Variants in TRHDE observed in about 807,000 individuals in gnomAD.
TRHDE encodes thyrotropin-releasing hormone-degrading ectoenzyme.
A neutral mutation model predicts 125.7 loss-of-function variants in TRHDE; 72 were observed. The observed-to-expected ratio is 0.57, with a 90% CI of 0.47 to 0.70. The LOEUF (loss-of-function observed/expected upper bound fraction) is 0.70. Ranked by LOEUF, TRHDE falls within the 30% of genes least tolerant of loss-of-function variation. TRHDE has a pLI of 0.00. For missense variants in TRHDE, 1,110 were observed against 1,327.1 expected, an observed-to-expected ratio of 0.84 and a Z score of 2.54; for synonymous variants, 509 against 509.1, an observed-to-expected ratio of 1.00 and a Z score of 0.00.
At chr12:72,216,226 A>G (rs140874211) in intron 2 of TRHDE, among the ~76,000 whole-genome samples, 197 of 152,302 alleles carry the variant, frequency 1.3e-3, no homozygotes, top group African/African-American at 4.6e-3. Context: ...GTTCAATTCT[A>G]TGAGACTTCT....
At chr12:72,244,600 A>G (rs1435089225) in intron 2 of TRHDE, among the ~76,000 whole-genome samples, 2 of 152,084 alleles carry the variant, frequency 1.3e-5, no homozygotes, top group East Asian at 3.8e-4. Flanking sequence ...TGATAATTCA[A>G]TCCAGAAGAA....
chr12:72,540,136 T>A (rs998325145), intron 6 of TRHDE, among the ~76,000 whole-genome samples: 3 of 151,954 alleles, frequency 2.0e-5, no homozygotes, highest in South Asian at 2.1e-4. Flanking sequence ...CCCATCTGTC[T>A]ATGAAGTTCT....
At chr12:72,159,386 C>T (rs971134022) in intron 2 of TRHDE, among the ~76,000 whole-genome samples, 1 of 152,178 alleles carries the variant, frequency 6.6e-6, no homozygotes, top group Non-Finnish European at 1.5e-5. Flanking sequence ...GACCTCACAA[C>T]AGAAGGATGG....
At chr12:72,238,792 A>G (rs901877262) in intron 2 of TRHDE, among the ~76,000 whole-genome samples, 42 of 152,120 alleles carry the variant, frequency 2.8e-4, no homozygotes, top group African/African-American at 1.0e-3. Flanking sequence ...CAAGTCTATC[A>G]TTGATGGGCA....
At chr12:72,087,608 G>T (rs1566205331) in intron 1 of TRHDE, among the ~76,000 whole-genome samples, 1 of 152,052 alleles carries the variant, frequency 6.6e-6, no homozygotes, top group African/African-American at 2.4e-5. Context: ...GTGTCTGATG[G>T]CTTCTATTTT....
chr12:72,564,807 A>C (rs1023928401), intron 9 of TRHDE, among the ~76,000 whole-genome samples: 1 of 131,714 alleles, frequency 7.6e-6, no homozygotes, highest in Non-Finnish European at 1.5e-5. Flanking sequence ...AGCTGGGACT[A>C]AAGGGCCCGC....
intron 2 of TRHDE, among the ~76,000 whole-genome samples, chr12:72,294,318 G>A (rs1277939101): frequency 1.3e-5 from 2 of 152,152 alleles, no homozygotes; most frequent in African/African-American, 4.8e-5. Context: ...ATGAATAGGA[G>A]CCTTATTGAA....
Position 72,575,526 on chromosome 12 carries a change from G to A in TRHDE, c.2305G>A (p.Ala769Thr). Residue 769 changes from alanine to threonine, a missense_variant, in exon 12 of 19, where the codon GCC becomes ACC. Ala to Thr is a moderately conservative substitution (Grantham distance 58). Transcript: ENST00000261180. ...TAACCGAGCGGGCTTGATCGATGAT[G>A]CCTTCAGCCTAGCCAGGTATGTTTT... ...VSNRAGLIDD[A>T]FSLARAGYLP... 1.2e-6 allele frequency: 2 copies of A among 1,613,582 alleles called. No individual in the cohort carries two copies. The highest frequency in any genetic ancestry group is 1.1e-5 in the South Asian group (1 of 91,066).
intron 5 of TRHDE, among the ~76,000 whole-genome samples, chr12:72,482,784 CCTAA>C (rs1284820392): frequency 6.6e-6 from 1 of 151,854 alleles, no homozygotes; most frequent in Non-Finnish European, 1.5e-5. Context: ...ACATTCTGTT[CCTAA>C]CTATTTGCAT....
intron 3 of TRHDE, among the ~76,000 whole-genome samples, chr12:72,400,331 T>C (rs1287044865): frequency 6.6e-6 from 1 of 152,132 alleles, no homozygotes; most frequent in Non-Finnish European, 1.5e-5. Flanking sequence ...AAACTAGGTG[T>C]TGGTATTAAT....
At chr12:72,328,463 G>T (rs1393266117) in intron 2 of TRHDE, among the ~76,000 whole-genome samples, 2 of 146,162 alleles carry the variant, frequency 1.4e-5, no homozygotes, top group African/African-American at 2.8e-5. Flanking sequence ...TTTAAATCTT[G>T]CATTTACTTT....
intron 2 of TRHDE, among the ~76,000 whole-genome samples, chr12:72,237,177 C>T (rs1226354962): frequency 6.6e-6 from 1 of 152,142 alleles, no homozygotes; most frequent in Non-Finnish European, 1.5e-5. Flanking sequence ...ATTCACTTTA[C>T]ATCATGAAAA....
chr12:72,374,913 T>G (rs1198108505), intron 2 of TRHDE, among the ~76,000 whole-genome samples: 1 of 152,188 alleles, frequency 6.6e-6, no homozygotes, highest in Non-Finnish European at 1.5e-5. Flanking sequence ...AGATGTGTTT[T>G]GGTTTGGCTG....
At chr12:72,324,537 A>G (rs1869250044) in intron 2 of TRHDE, among the ~76,000 whole-genome samples, 1 of 152,224 alleles carries the variant, frequency 6.6e-6, no homozygotes, top group East Asian at 1.9e-4. Context: ...TCCTCTTGGT[A>G]AAAGTGGTCC....
chr12:72,088,705 C>T (rs1277783092), intron 1 of TRHDE, among the ~76,000 whole-genome samples: 1 of 152,048 alleles, frequency 6.6e-6, no homozygotes, highest in African/African-American at 2.4e-5. Context: ...TCTCACATCT[C>T]TCATTCTTTA....
chr12:72,097,716 G>T (rs970545686), intron 1 of TRHDE, among the ~76,000 whole-genome samples: 1 of 152,128 alleles, frequency 6.6e-6, no homozygotes, highest in African/African-American at 2.4e-5. Flanking sequence ...CTCCCAAAGT[G>T]CTGGGATTAG....
chr12:72,439,496 A>T (rs73344431), intron 3 of TRHDE, among the ~76,000 whole-genome samples: 13,460 of 151,530 alleles, frequency 0.089, 709 homozygotes, highest in Admixed American at 0.14. Context: ...TTTCAGTGTG[A>T]AGATCTTTCA....
intron 3 of TRHDE, among the ~76,000 whole-genome samples, chr12:72,382,083 A>G (rs1462862652): frequency 6.6e-6 from 1 of 152,180 alleles, no homozygotes; most frequent in East Asian, 1.9e-4. Flanking sequence ...GACTCCTAGG[A>G]GTCAGAAACG....
At chr12:72,519,088 T>A (rs572276294) in intron 6 of TRHDE, among the ~76,000 whole-genome samples, 1 of 152,296 alleles carries the variant, frequency 6.6e-6, no homozygotes, top group African/African-American at 2.4e-5. Flanking sequence ...ATTTTTTCCT[T>A]CATTTCAACT....
Sources: allele counts gnomAD v4.1 joint callset (sites outside exome capture counted in the v4.1 genomes callset), GRCh38; gene constraint gnomAD v4.1.1; transcripts MANE v1.5; gene names NCBI Gene and HGNC (gene_info 2026-07-23, HGNC 2026-07-21).